Variants in GLB1 observed in about 807,000 individuals in gnomAD.
The protein encoded by GLB1 is beta-galactosidase.
In GLB1, 56 loss-of-function variants were observed where a neutral mutation model predicts 74.0. The observed-to-expected ratio is 0.76, with a 90% CI of 0.61 to 0.94. The LOEUF (loss-of-function observed/expected upper bound fraction) is 0.94. Ranked by LOEUF, GLB1 falls within the 40% of genes least tolerant of loss-of-function variation. GLB1 has a pLI of 0.00. For synonymous variants in GLB1, 323 were observed against 323.6 expected (o/e 1.00, Z 0.02); for missense variants, 787 against 845.5 (o/e 0.93, Z 0.86).
chr3:33,090,349 G>A (rs960636544), intron 1 of GLB1: 22 of 961,406 alleles, frequency 2.3e-5, no homozygotes, highest in Non-Finnish European at 2.5e-5. Flanking sequence ...TTAAAGCTGG[G>A]AGAGAGGTAC....
intron 15 of GLB1, among the ~76,000 whole-genome samples, chr3:33,009,426 A>C (rs1447807531): frequency 6.6e-6 from 1 of 150,684 alleles, no homozygotes; most frequent in East Asian, 2.0e-4. Context: ...AGAGGCTGAG[A>C]CAGGAGGATC....
chr3:33,095,909 G>A (rs1221921056), intron 1 of GLB1, among the ~76,000 whole-genome samples: 2 of 152,292 alleles, frequency 1.3e-5, no homozygotes, highest in South Asian at 2.1e-4. Context: ...AACCACAGAC[G>A]GGGTGAAGAG....
chr3:33,038,535 C>A (rs1450523843), intron 10 of GLB1, among the ~76,000 whole-genome samples: 2 of 151,668 alleles, frequency 1.3e-5, no homozygotes, highest in East Asian at 3.9e-4. Flanking sequence ...GGTTACAATT[C>A]CAAAAAAATG....
intron 1 of GLB1, among the ~76,000 whole-genome samples, chr3:33,094,720 T>C (rs1700931595): frequency 6.6e-6 from 1 of 152,210 alleles, no homozygotes; most frequent in South Asian, 2.1e-4. Flanking sequence ...TGACATGTGA[T>C]ATGGCAACAG....
intron 5 of GLB1, chr3:33,061,692 C>T (rs926253509): frequency 2.0e-5 from 3 of 152,178 alleles, no homozygotes; most frequent in East Asian, 3.8e-4. Flanking sequence ...CATAAATAGG[C>T]TTATTACCTC....
intron 9 of GLB1, among the ~76,000 whole-genome samples, chr3:33,051,024 C>T (rs753523658): frequency 6.6e-6 from 1 of 151,512 alleles, no homozygotes; most frequent in Non-Finnish European, 1.5e-5. Flanking sequence ...GTCAGGAGAT[C>T]GAGACCACCC....
chr3:33,066,716 T>C (rs1013832945), intron 4 of GLB1, among the ~76,000 whole-genome samples: 10 of 152,148 alleles, frequency 6.6e-5, no homozygotes, highest in Non-Finnish European at 1.5e-4. Context: ...CAGGAAGGCT[T>C]TTTTTCCGTA....
At position 33,009,154 on chromosome 3, in the gene GLB1, T is replaced by TAAAA. The variant is rs1553605628; in HGVS notation, c.1734+4898_1734+4901dup. ...ATAAATAAATAAATAAATAAATAAA[T>TAAAA]AAAAAAGATTGTGGTAAGGCCTAGG... is the stretch of plus-strand genomic sequence containing the variant. On this transcript the variant is annotated intron_variant, in intron 15 of 15. Coordinates refer to ENST00000307363, the MANE Select transcript of GLB1 (RefSeq NM_000404.4). 2.8e-4 allele frequency among the ~76,000 whole-genome samples: 37 copies of TAAAA among 131,592 alleles called. 2 individuals carry two copies. Among genetic ancestry groups the TAAAA allele is most frequent in the Non-Finnish European group, 3.6e-4 (21 of 58,856 alleles). 86.3% of individuals were successfully genotyped at this position (131,592 alleles called of 152,430 possible).
intron 13 of GLB1, among the ~76,000 whole-genome samples, chr3:33,017,191 CACA>C (rs992118653): frequency 6.6e-6 from 1 of 152,124 alleles, no homozygotes; most frequent in Non-Finnish European, 1.5e-5. Context: ...AAAAGTCACT[CACA>C]AAAAATTGCT....
At chr3:33,064,948 A>G (rs2125542892) in intron 5 of GLB1, among the ~76,000 whole-genome samples, 1 of 152,288 alleles carries the variant, frequency 6.6e-6, no homozygotes, top group East Asian at 1.9e-4. Context: ...AAGAAGGAGA[A>G]TGGGGCAGGA....
the GLB1 span, among the ~76,000 whole-genome samples, chr3:32,987,722 TG>T: frequency 1.3e-5 from 2 of 152,188 alleles, no homozygotes; most frequent in Non-Finnish European, 2.9e-5. Flanking sequence ...GACTGAGAGA[TG>T]GGGTGATAAA....
At chr3:33,031,999 T>C (rs1375824536) in intron 10 of GLB1, among the ~76,000 whole-genome samples, 2 of 152,042 alleles carry the variant, frequency 1.3e-5, no homozygotes, top group African/African-American at 2.4e-5. Context: ...AGTATCACCA[T>C]GTTGGCCAGG....
chr3:33,022,564 A>ATTTTTTTTTTTCTTTT (rs1697540783), intron 11 of GLB1, among the ~76,000 whole-genome samples: 1 of 63,746 alleles, frequency 1.6e-5, no homozygotes. Flanking sequence ...ACTGGTTAGG[A>ATTTTTTTTTTTCTTTT]TTTTTTTTTT....
intron 15 of GLB1, among the ~76,000 whole-genome samples, chr3:33,004,150 C>A (rs1247074946): frequency 6.6e-6 from 1 of 152,206 alleles, no homozygotes; most frequent in Non-Finnish European, 1.5e-5. Context: ...CCTTAAGGAG[C>A]CTTGCGCATT....
chr3:33,065,071 T>C (rs914840519), intron 5 of GLB1, among the ~76,000 whole-genome samples: 2 of 152,166 alleles, frequency 1.3e-5, no homozygotes, highest in African/African-American at 4.8e-5. Flanking sequence ...CCACGCTGCA[T>C]GCCTGCTGCC....
intron 15 of GLB1, among the ~76,000 whole-genome samples, chr3:33,009,951 C>G (rs962374002): frequency 1.3e-5 from 2 of 152,170 alleles, no homozygotes; most frequent in Admixed American, 1.3e-4. Flanking sequence ...TACTCCATTC[C>G]TTTTTATTGA....
intron 1 of GLB1, among the ~76,000 whole-genome samples, chr3:33,074,631 C>T (rs1240380798): frequency 6.6e-6 from 1 of 151,962 alleles, no homozygotes; most frequent in Non-Finnish European, 1.5e-5. Flanking sequence ...ACTGTTAAGC[C>T]GAGTGGAACA....
chr3:32,970,654 C>G, the GLB1 span, among the ~76,000 whole-genome samples: 280 of 152,242 alleles, frequency 1.8e-3, 1 homozygote, highest in Middle Eastern at 0.017. Context: ...GCAGGTGTCA[C>G]ACGTTGGATT....
chr3:33,037,241 TCA>T (rs1321883798), intron 10 of GLB1, among the ~76,000 whole-genome samples: 4 of 152,074 alleles, frequency 2.6e-5, no homozygotes, highest in Non-Finnish European at 5.9e-5. Flanking sequence ...AGATGGGATT[TCA>T]CCATTTTGGC....
Sources: allele counts gnomAD v4.1 joint callset (sites outside exome capture counted in the v4.1 genomes callset), GRCh38; gene constraint gnomAD v4.1.1; transcripts MANE v1.5; gene names NCBI Gene and HGNC (gene_info 2026-07-23, HGNC 2026-07-21).